Variants in FRMPD4 observed in about 807,000 individuals in gnomAD.
FRMPD4 encodes FERM and PDZ domain containing 4, also known as FERM and PDZ domain-containing protein 4.
FRMPD4 carries 22 observed loss-of-function variants against 94.1 expected under a neutral mutation model. The observed-to-expected ratio is 0.23, with a 90% CI of 0.17 to 0.33. The LOEUF is 0.33. Among genes scored for constraint, FRMPD4 ranks in the 10% least tolerant of loss-of-function variants. The probability of loss-of-function intolerance (pLI) is 1.00; values close to 1 mark genes in which losing one functional copy is unlikely to be tolerated. For missense variants in FRMPD4, 1,111 were observed against 1,339.9 expected, an observed-to-expected ratio of 0.83 and a Z score of 2.67; for synonymous variants, 631 against 548.6, an observed-to-expected ratio of 1.15 and a Z score of -2.10.
chrX:12,690,824 C>T (rs2060072608), intron 8 of FRMPD4, among the ~76,000 whole-genome samples: 1 of 111,809 alleles, frequency 8.9e-6, no homozygotes. Context: ...TCCTGATTAC[C>T]AAGATGCCAC....
At chrX:12,014,162 C>G (rs988090344) in intron 3 of FRMPD4, among the ~76,000 whole-genome samples, 3 of 111,357 alleles carry the variant, frequency 2.7e-5, no homozygotes, top group African/African-American at 9.8e-5. Flanking sequence ...TTTGACAGCA[C>G]AGTCACTGGT....
At chrX:11,959,450 G>A (rs1228111746) in intron 3 of FRMPD4, among the ~76,000 whole-genome samples, 1 of 112,430 alleles carries the variant, frequency 8.9e-6, no homozygotes, top group East Asian at 2.8e-4. Flanking sequence ...AAGAATGGCA[G>A]CATTAGCACC....
In FRMPD4 at chrX:12,696,481, C is replaced by G. The variant is rs758647447; in HGVS notation, c.933+2027C>G. 2.8e-5 allele frequency among the ~76,000 whole-genome samples: 3 copies of G among 107,365 alleles called. No individual in the cohort carries two copies. The East Asian group carries it at 8.7e-4, about 31-fold the overall frequency. The allele number at this position is 107,365 out of a possible 115,157, so 93.2% of individuals were successfully genotyped here. ...AGAACCAACTGACCTAATCCTTAGA[C>G]AGCTTAGACATCTAGCAGTAGAACT... On this transcript the variant is annotated intron_variant, in intron 9 of 16. Coordinates refer to ENST00000675598, the MANE Select transcript of FRMPD4 (RefSeq NM_001368397.1).
intron 1 of FRMPD4, among the ~76,000 whole-genome samples, chrX:12,494,173 T>C (rs112165540): frequency 0.03 from 3,358 of 112,261 alleles, 135 homozygotes; most frequent in African/African-American, 0.1. Flanking sequence ...AATTACATTA[T>C]CTTCTTGTAA....
intron 3 of FRMPD4, among the ~76,000 whole-genome samples, chrX:12,089,516 G>C (rs73190531): frequency 8.9e-6 from 1 of 111,904 alleles, no homozygotes; most frequent in Non-Finnish European, 1.9e-5. Flanking sequence ...ACTGATATCA[G>C]CACCAGGTTT....
rs2042245165 is a variant in FRMPD4, at chrX:12,721,782, C to T, written c.5213C>T (p.Ser1738Leu). Reference sequence around the variant, plus strand: ...CCTGGGGACCCTAATGTTGGACTCTCGGCGCGACACTCAACCACCATGGCC... The same window carrying T: ...CCTGGGGACCCTAATGTTGGACTCTTGGCGCGACACTCAACCACCATGGCC... ...KNPGDPNVGL[S>L]ARHSTTMAAL... The change falls in exon 17 of 17, where the codon TCG (serine) becomes TTG (leucine). Residue 1738 changes from serine (S) to leucine (L), a missense_variant. Around this residue, in one of 8 missense-constraint regions of FRMPD4, gnomAD observed 551 missense variants for 591.6 expected, o/e 0.93. Transcript: ENST00000675598. 4.9e-5 allele frequency: 37 copies of T among 750,121 alleles called. No individual in the cohort carries two copies. Among genetic ancestry groups the T allele is most frequent in the Non-Finnish European group, 5.7e-5 (36 of 635,449 alleles). The allele number at this position is 750,121 out of a possible 1,213,427, so 61.8% of individuals were successfully genotyped here. A position where few individuals can be genotyped will look rare whatever the true frequency, so the allele number is the denominator to read the frequency against.
At chrX:12,230,355 T>C (rs2056970105) in intron 1 of FRMPD4, among the ~76,000 whole-genome samples, 1 of 111,450 alleles carries the variant, frequency 9.0e-6, no homozygotes, top group East Asian at 2.8e-4. Flanking sequence ...CATAAGTGTA[T>C]AAGGAGCTGG....
At chrX:12,431,005 A>G (rs1168471487) in intron 1 of FRMPD4, among the ~76,000 whole-genome samples, 1 of 112,382 alleles carries the variant, frequency 8.9e-6, no homozygotes, top group Non-Finnish European at 1.9e-5. Flanking sequence ...TTCTCCTTTA[A>G]TTACAAACCA....
At chrX:12,560,477 GAAAAAAA>G (rs199808235) in intron 2 of FRMPD4, among the ~76,000 whole-genome samples, 4,265 of 82,774 alleles carry the variant, frequency 0.052, 212 homozygotes, top group African/African-American at 0.16. Flanking sequence ...CTTTAAAAAT[GAAAAAAA>G]AAAAAAAAAA....
chrX:11,994,595 G>A (rs1400523230), intron 3 of FRMPD4, among the ~76,000 whole-genome samples: 1 of 111,626 alleles, frequency 9.0e-6, no homozygotes, highest in Non-Finnish European at 1.9e-5. Flanking sequence ...AATGGAGTCT[G>A]TTAAGTTTGT....
intron 2 of FRMPD4, among the ~76,000 whole-genome samples, chrX:12,557,053 C>T (rs1185083646): frequency 8.9e-6 from 1 of 111,831 alleles, no homozygotes; most frequent in Non-Finnish European, 1.9e-5. Flanking sequence ...GATCCGCCCA[C>T]CTGGGCCTCC....
chrX:12,544,337 A>G (rs2148317610), intron 2 of FRMPD4, among the ~76,000 whole-genome samples: 1 of 112,032 alleles, frequency 8.9e-6, no homozygotes, highest in East Asian at 2.8e-4. Flanking sequence ...TTCAACTTGA[A>G]AAGATCACTC....
intron 1 of FRMPD4, among the ~76,000 whole-genome samples, chrX:11,839,933 T>C (rs1436177160): frequency 8.9e-6 from 1 of 111,838 alleles, no homozygotes; most frequent in Non-Finnish European, 1.9e-5. Flanking sequence ...TCTGTTCTAT[T>C]GGTCTATATA....
At position 11,838,163 on chromosome X, in the gene FRMPD4, T is replaced by C. The variant is rs191718407; in HGVS notation, c.-161+15448T>C. Among the ~76,000 whole-genome samples, 6 of 111,612 alleles carry C rather than the reference T, an allele frequency of 5.4e-5. 1 individual carries two copies. The highest frequency in any genetic ancestry group is 4.8e-4 in the Admixed American group (5 of 10,513). On this transcript the variant is annotated intron_variant, in intron 1 of 18. Coordinates refer to the FRMPD4 transcript ENST00000640291. ...CACACATCAGAACACACCACAAAGATCTGCTACATATTTACAAGGCACCAA... is the reference window on the plus strand; with the variant it reads ...CACACATCAGAACACACCACAAAGACCTGCTACATATTTACAAGGCACCAA...
intron 4 of FRMPD4, among the ~76,000 whole-genome samples, chrX:12,671,299 G>A (rs1220435833): frequency 9.0e-6 from 1 of 111,515 alleles, no homozygotes; most frequent in Non-Finnish European, 1.9e-5. Flanking sequence ...TGTTTATTGT[G>A]GCACCATTCA....
intron 2 of FRMPD4, among the ~76,000 whole-genome samples, chrX:12,581,146 C>T (rs1464712527): frequency 1.8e-5 from 2 of 112,344 alleles, no homozygotes; most frequent in African/African-American, 6.5e-5. Flanking sequence ...TAGCTAATGC[C>T]TAAAAGACAG....
In FRMPD4 at chrX:12,330,643, G is replaced by A. The variant is rs140994406; in HGVS notation, c.42-168037G>A. On this transcript the variant is annotated intron_variant, in intron 1 of 16. Coordinates refer to ENST00000675598, the MANE Select transcript of FRMPD4 (RefSeq NM_001368397.1). ...CCCTAGTGGTCGGTGGACTGCTAGA[G>A]ACCTTAGGCTGGGATGTTACTTGCT... is the stretch of plus-strand genomic sequence containing the variant. 3.1e-3 allele frequency among the ~76,000 whole-genome samples: 343 copies of A among 111,590 alleles called. 2 individuals carry two copies. Among genetic ancestry groups the A allele is most frequent in the African/African-American group, 0.011 (331 of 30,718 alleles).
chrX:11,919,705 C>G (rs765972417), intron 3 of FRMPD4, among the ~76,000 whole-genome samples: 1 of 111,492 alleles, frequency 9.0e-6, no homozygotes, highest in Non-Finnish European at 1.9e-5. Context: ...TTCAAGGCTA[C>G]AAATTAAAAC....
intron 3 of FRMPD4, among the ~76,000 whole-genome samples, chrX:12,121,644 GA>G (rs1396395311): frequency 2.7e-5 from 3 of 111,576 alleles, no homozygotes; most frequent in Admixed American, 9.5e-5. Context: ...GAATCTCTCT[GA>G]GAGTGCAAAA....
Sources: allele counts gnomAD v4.1 joint callset (sites outside exome capture counted in the v4.1 genomes callset), GRCh38; gene constraint gnomAD v4.1.1; regional missense constraint gnomAD v4.1.1; transcripts MANE v1.5; gene names NCBI Gene and HGNC (gene_info 2026-07-23, HGNC 2026-07-21).